KLF12: variants seen among roughly 807,000 people sequenced by gnomAD.
The protein encoded by KLF12 is KLF transcription factor 12.
Under a neutral mutation model 37.8 loss-of-function variants are expected in KLF12, and 9 were observed. The observed-to-expected ratio is 0.24, with a 90% CI of 0.14 to 0.42. KLF12 has a LOEUF of 0.42. Ranked by LOEUF, KLF12 falls within the 10% of genes least tolerant of loss-of-function variation. The pLI, the probability that KLF12 is intolerant of heterozygous loss-of-function variation, is 1.00. For missense variants in KLF12, 411 were observed against 516.0 expected (o/e 0.80, Z 1.97); for synonymous variants, 208 against 202.1 (o/e 1.03, Z -0.25).
chr13:73,829,173 A>G (rs907944154), intron 4 of KLF12, among the ~76,000 whole-genome samples: 1 of 152,238 alleles, frequency 6.6e-6, no homozygotes, highest in Non-Finnish European at 1.5e-5. Context: ...ATGTGGTTAA[A>G]TCATGAATGT....
At chr13:73,853,492 T>C (rs1885442818) in intron 3 of KLF12, among the ~76,000 whole-genome samples, 1 of 152,148 alleles carries the variant, frequency 6.6e-6, no homozygotes, top group Admixed American at 6.5e-5. Flanking sequence ...CCTGTAATCC[T>C]AGCCAAGGCT....
At chr13:74,101,170 C>A (rs1023274176) in intron 1 of KLF12, among the ~76,000 whole-genome samples, 4 of 152,138 alleles carry the variant, frequency 2.6e-5, no homozygotes, top group Admixed American at 1.3e-4. Flanking sequence ...GAGCTCTGTA[C>A]CAGACTACTG....
chr13:73,854,720 T>A (rs1381089095), intron 3 of KLF12, among the ~76,000 whole-genome samples: 1 of 152,126 alleles, frequency 6.6e-6, no homozygotes, highest in Non-Finnish European at 1.5e-5. Flanking sequence ...CCTACACAAA[T>A]CTCCCCATAT....
intron 4 of KLF12, 92 bp from the exon 5 acceptor site, chr13:73,813,379 A>G: frequency 7.3e-7 from 1 of 1,368,086 alleles, no homozygotes; most frequent in Non-Finnish European, 1.0e-6. Context: ...ACTTCTGTGC[A>G]TATCATGCAA....
intron 3 of KLF12, among the ~76,000 whole-genome samples, chr13:73,888,418 T>C (rs1000489367): frequency 4.6e-5 from 7 of 152,236 alleles, no homozygotes; most frequent in South Asian, 2.1e-4. Context: ...GTTTTGATTA[T>C]GAATGCTTTT....
the KLF12 span, among the ~76,000 whole-genome samples, chr13:74,207,871 G>A: frequency 6.0e-4 from 91 of 152,118 alleles, 1 homozygote; most frequent in East Asian, 0.015. Context: ...CTGAGCCTAC[G>A]GTGAAAAATC....
At chr13:73,997,818 G>C (rs979479742) in intron 1 of KLF12, among the ~76,000 whole-genome samples, 2 of 152,078 alleles carry the variant, frequency 1.3e-5, no homozygotes, top group Non-Finnish European at 2.9e-5. Flanking sequence ...GAAAAGCAAA[G>C]GATTGGTCGC....
chr13:74,047,346 T>C (rs6562793), intron 1 of KLF12, among the ~76,000 whole-genome samples: 106,578 of 151,672 alleles, frequency 0.7, 37,672 homozygotes, highest in East Asian at 0.85. Context: ...AATCCCAGCA[T>C]TTTGGGAGGC....
chr13:74,087,395 C>G (rs1391226766), intron 1 of KLF12, among the ~76,000 whole-genome samples: 1 of 151,708 alleles, frequency 6.6e-6, no homozygotes, highest in Non-Finnish European at 1.5e-5. Flanking sequence ...TGCCCCTGGG[C>G]TCTAAGAGGA....
the KLF12 span, among the ~76,000 whole-genome samples, chr13:74,157,395 A>G: frequency 2.6e-5 from 4 of 152,344 alleles, no homozygotes; most frequent in Admixed American, 2.6e-4. Flanking sequence ...AAATCAATTT[A>G]TGTAACTGAT....
intron 6 of KLF12, among the ~76,000 whole-genome samples, chr13:73,723,388 A>G (rs1203238753): frequency 2.0e-5 from 3 of 152,234 alleles, no homozygotes; most frequent in East Asian, 1.9e-4. Flanking sequence ...TGGAAGACAC[A>G]TAACATACTT....
intron 3 of KLF12, among the ~76,000 whole-genome samples, chr13:73,943,015 A>G (rs1890257191): frequency 6.6e-6 from 1 of 152,012 alleles, no homozygotes; most frequent in Admixed American, 6.5e-5. Context: ...TAATATCCTA[A>G]CCCTTTGAGT....
intron 6 of KLF12, among the ~76,000 whole-genome samples, chr13:73,743,718 T>C (rs548946110): frequency 1.3e-5 from 2 of 152,212 alleles, no homozygotes; most frequent in African/African-American, 4.8e-5. Flanking sequence ...ATCCAAGAAG[T>C]AGATTTTAAC....
chr13:73,935,429 T>G (rs1889885112), intron 3 of KLF12, among the ~76,000 whole-genome samples: 1 of 152,190 alleles, frequency 6.6e-6, no homozygotes, highest in Non-Finnish European at 1.5e-5. Flanking sequence ...TCAAATCTCA[T>G]GTTGAAATGC....
At chr13:74,294,257 C>T in the KLF12 span, among the ~76,000 whole-genome samples, 1 of 152,156 alleles carries the variant, frequency 6.6e-6, no homozygotes, top group Non-Finnish European at 1.5e-5. Context: ...GTAGGGAAGT[C>T]AGGGCTTTTA....
chr13:74,198,530 T>C, the KLF12 span, among the ~76,000 whole-genome samples: 56 of 152,260 alleles, frequency 3.7e-4, no homozygotes, highest in African/African-American at 1.3e-3. Context: ...AGGGGAAAAA[T>C]AAGAATCTGG....
chr13:74,040,135 T>C (rs1226083023), intron 1 of KLF12, among the ~76,000 whole-genome samples: 1 of 152,252 alleles, frequency 6.6e-6, no homozygotes, highest in African/African-American at 2.4e-5. Context: ...TATCTGTTAA[T>C]TCAAAATCTG....
At chr13:74,069,191 C>T (rs1874084327) in intron 1 of KLF12, among the ~76,000 whole-genome samples, 1 of 152,034 alleles carries the variant, frequency 6.6e-6, no homozygotes, top group Admixed American at 6.6e-5. Flanking sequence ...GCTCTTTTTC[C>T]CCAACCAAAC....
chr13:73,705,422 C>T (rs537691605), intron 7 of KLF12, among the ~76,000 whole-genome samples: 5 of 152,236 alleles, frequency 3.3e-5, no homozygotes, highest in Middle Eastern at 3.4e-3. Flanking sequence ...TACAGGTGTA[C>T]ACCACCATGC....
Sources: gnomAD v4.1 joint callset for allele counts (sites outside exome capture counted in the v4.1 genomes callset) on GRCh38, gnomAD v4.1.1 for gene constraint, MANE v1.5 for transcripts, NCBI Gene and HGNC (gene_info 2026-07-23, HGNC 2026-07-21) for gene names.